Variants in FARP1 observed in about 807,000 individuals in gnomAD.
The protein encoded by FARP1 is FERM, ARHGEF and pleckstrin domain-containing protein 1.
FARP1 carries 52 observed loss-of-function variants against 128.8 expected under a neutral mutation model. The ratio of observed to expected loss-of-function variants is 0.40; its 90% confidence interval spans 0.32 to 0.51. FARP1 has a LOEUF of 0.51. FARP1 is among the 20% of genes least tolerant of loss of function. FARP1 has a pLI of 0.45. For missense variants in FARP1, 1,333 were observed against 1,367.9 expected (o/e 0.97, Z 0.40); for synonymous variants, 580 against 551.8 (o/e 1.05, Z -0.72).
rs1892404240 is a variant in FARP1, at chr13:98,438,849, C to T, written c.2320C>T (p.Leu774Phe). 6.2e-7 allele frequency: 1 copy of T among 1,613,448 alleles called. No individual in the cohort carries two copies. Among genetic ancestry groups the T allele is most frequent in the African/African-American group, 1.3e-5 (1 of 74,934 alleles). ...GSLSKLSGKG[L>F]QQRMFFLFND... ...CCTCAGCAAGCTCTCGGGGAAGGGG[C>T]TCCAGCAGCGCATGTTCTTCCTGGT... The change falls in exon 20 of 27, where the codon CTC (leucine) becomes TTC (phenylalanine). Residue 774 changes from leucine to phenylalanine, a missense_variant. This residue lies in a region of FARP1 where 1,009 missense variants were observed against 969.8 expected (regional missense o/e 1.04). Coordinates refer to ENST00000319562, the MANE Select transcript of FARP1 (RefSeq NM_005766.4).
chr13:98,395,753 A>G (rs1347829573), intron 13 of FARP1: 3 of 420,496 alleles, frequency 7.1e-6, no homozygotes, highest in African/African-American at 2.0e-5. Context: ...CTTGATGACG[A>G]TTCAGCAGAC....
Position 98,204,804 on chromosome 13 carries a change from T to G in FARP1, c.-23-8416T>G, listed in dbSNP as rs1183463941. Among the ~76,000 whole-genome samples the G allele has an allele frequency of 2.0e-5, 3 of 151,888 alleles. No individual in the cohort carries two copies. The East Asian group carries it at 5.8e-4, about 29-fold the overall frequency. On this transcript the variant is annotated intron_variant, in intron 1 of 26. Coordinates refer to ENST00000319562, the MANE Select transcript of FARP1 (RefSeq NM_005766.4). The stretch of plus-strand genomic sequence containing the variant: ...GCAAGACTTTGTGCATACTAACTGG[T>G]GGTGGTGGTGGTGCATATTTGCAGT...
chr13:98,390,929 C>A, intron 11 of FARP1, 49 bp downstream of exon 11: 1 of 1,266,756 alleles, frequency 7.9e-7, no homozygotes. Context: ...CTCAGACTCG[C>A]CAGGTAACAG....
At chr13:98,380,267 T>C (rs1889840402) in intron 6 of FARP1, among the ~76,000 whole-genome samples, 1 of 151,978 alleles carries the variant, frequency 6.6e-6, no homozygotes, top group South Asian at 2.1e-4. Flanking sequence ...GCCAAGATGG[T>C]GAAACCTTGT....
chr13:98,390,471 C>G, intron 10 of FARP1: 1 of 427,198 alleles, frequency 2.3e-6, no homozygotes. Flanking sequence ...AAATCATTGT[C>G]TGCCATGTGT....
At chr13:98,276,855 G>A (rs2139603905) in intron 2 of FARP1, among the ~76,000 whole-genome samples, 1 of 152,198 alleles carries the variant, frequency 6.6e-6, no homozygotes, top group East Asian at 1.9e-4. Context: ...CTGGGTGTGT[G>A]ACCCAGCAAG....
Position 98,321,186 on chromosome 13 carries a change from C to A in FARP1, c.172-22576C>A, listed in dbSNP as rs533057555. 1.4e-4 allele frequency among the ~76,000 whole-genome samples: 22 copies of A among 152,296 alleles called. No individual in the cohort carries two copies. In the South Asian group the frequency reaches 3.5e-3, roughly 24 times the overall value. ...CTTTCCAGAAGAGCTGAGCTGTCAC[C>A]ACTGACCTTGTGGAATGGAGGATCC... On this transcript the variant is annotated intron_variant, in intron 2 of 26. Transcript: ENST00000319562.
intron 13 of FARP1, among the ~76,000 whole-genome samples, chr13:98,408,980 T>C (rs192626771): frequency 6.6e-6 from 1 of 152,366 alleles, no homozygotes; most frequent in African/African-American, 2.4e-5. Context: ...CATGTCTCAT[T>C]GTGACATAGA....
intron 23 of FARP1, 93 bp from the exon 24 acceptor site, chr13:98,440,577 G>A (rs757211076): frequency 2.2e-6 from 3 of 1,354,124 alleles, no homozygotes; most frequent in Non-Finnish European, 2.0e-6. Context: ...TGTGACTGCT[G>A]TGAGCCCCCC....
intron 1 of FARP1, among the ~76,000 whole-genome samples, chr13:98,144,525 C>T (rs564172181): frequency 6.6e-6 from 1 of 152,240 alleles, no homozygotes; most frequent in South Asian, 2.1e-4. Flanking sequence ...TGTCAGTTTA[C>T]CAGGTTTGAC....
chr13:98,385,853 CAGAG>C lies in FARP1; in HGVS notation c.759+45_759+48del, dbSNP rs770714425. On this transcript the variant is annotated intron_variant, in intron 8 of 26. Transcript: ENST00000319562. ...GAACACGGCCTGGTTCCCTTGGTGA[CAGAG>C]AGAGAAGAGCTGGCCCTTCAACTCT... 2.5e-6 allele frequency: 4 copies of C among 1,605,892 alleles called. No individual in the cohort carries two copies. The Admixed American group carries it at 5.0e-5, about 20-fold the overall frequency.
intron 2 of FARP1, among the ~76,000 whole-genome samples, chr13:98,278,069 GAGC>G (rs1884747940): frequency 2.0e-5 from 3 of 151,434 alleles, no homozygotes; most frequent in Non-Finnish European, 1.5e-5. Flanking sequence ...GTTTTAAATG[GAGC>G]TTAAGGGGAA....
chr13:98,265,240 T>A (rs562958976), intron 2 of FARP1, among the ~76,000 whole-genome samples: 53 of 152,020 alleles, frequency 3.5e-4, no homozygotes, highest in African/African-American at 1.2e-3. Flanking sequence ...CAACAGATTG[T>A]GATATTTTTG....
In FARP1 at chr13:98,241,893, TG is replaced by T. The variant is rs1325064907; in HGVS notation, c.171+28483del. Among the ~76,000 whole-genome samples the T allele has an allele frequency of 2.0e-5, 3 of 152,098 alleles. 1 individual carries two copies. In the East Asian group the frequency reaches 5.8e-4, roughly 29 times the overall value. On this transcript the variant is annotated intron_variant, in intron 2 of 26. Transcript: ENST00000319562. ...GAGATTGCGCCACTGCACAACAGCCTGGGCGACAGATTGAGACTCTGTCTAA... is the reference window on the plus strand; with the variant it reads ...GAGATTGCGCCACTGCACAACAGCCTGGCGACAGATTGAGACTCTGTCTAA...
At chr13:98,355,243 G>A (rs1434744701) in intron 3 of FARP1, among the ~76,000 whole-genome samples, 5 of 152,010 alleles carry the variant, frequency 3.3e-5, no homozygotes, top group African/African-American at 9.7e-5. Context: ...TACTTGAGGG[G>A]GCTGAGGCAA....
At chr13:98,435,765 G>A (rs756309540) in intron 19 of FARP1, 59 bp downstream of exon 19, 1 of 1,576,628 alleles carries the variant, frequency 6.3e-7, no homozygotes, top group South Asian at 1.1e-5. Flanking sequence ...GCATCGGAGG[G>A]ACTTACATTT....
chr13:98,313,413 A>AC (rs34892229), intron 2 of FARP1, among the ~76,000 whole-genome samples: 24,222 of 151,870 alleles, frequency 0.16, 2,277 homozygotes, highest in East Asian at 0.39. Context: ...GGAGCCACAA[A>AC]CCCAGGAGCG....
chr13:98,167,677 T>C (rs1877366656), intron 1 of FARP1, among the ~76,000 whole-genome samples: 1 of 152,140 alleles, frequency 6.6e-6, no homozygotes, highest in African/African-American at 2.4e-5. Flanking sequence ...CCCAAAGTGC[T>C]AGGATTACAA....
chr13:98,233,998 G>A (rs1056353382), intron 2 of FARP1: 1 of 152,214 alleles, frequency 6.6e-6, no homozygotes, highest in African/African-American at 2.4e-5. Flanking sequence ...CAACTCTGAG[G>A]GTTTCTTCTC....
Sources: allele counts gnomAD v4.1 joint callset (sites outside exome capture counted in the v4.1 genomes callset), GRCh38; gene constraint gnomAD v4.1.1; regional missense constraint gnomAD v4.1.1; transcripts MANE v1.5; gene names NCBI Gene and HGNC (gene_info 2026-07-23, HGNC 2026-07-21).